CHN2: variants seen among roughly 807,000 people sequenced by gnomAD.
The protein encoded by CHN2 is beta-chimaerin.
A neutral mutation model predicts 56.3 loss-of-function variants in CHN2; 35 were observed. That is an observed-to-expected ratio of 0.62 (90% CI 0.47 to 0.82). CHN2 has a LOEUF of 0.82. CHN2 is among the 40% of genes least tolerant of loss of function. The pLI, the probability that CHN2 is intolerant of heterozygous loss-of-function variation, is 0.00. For synonymous variants in CHN2, 210 were observed against 212.8 expected, an observed-to-expected ratio of 0.99 and a Z score of 0.12; for missense variants, 491 against 580.5, an observed-to-expected ratio of 0.85 and a Z score of 1.58.
At chr7:29,411,784 G>A (rs1436009412) in intron 6 of CHN2, among the ~76,000 whole-genome samples, 2 of 152,180 alleles carry the variant, frequency 1.3e-5, no homozygotes, top group East Asian at 3.9e-4. Flanking sequence ...GATGGGGAGA[G>A]AGAAGCTGAG....
intron 1 of CHN2, among the ~76,000 whole-genome samples, chr7:29,225,194 A>C (rs1235976482): frequency 6.6e-6 from 1 of 152,214 alleles, no homozygotes; most frequent in East Asian, 1.9e-4. Flanking sequence ...CCTGATTGTC[A>C]TCAAATACTT....
chr7:29,212,750 A>G, intron 1 of CHN2: 1 of 1,610,022 alleles, frequency 6.2e-7, no homozygotes. Context: ...AATGAAATCT[A>G]AGAGGTGGCA....
intron 6 of CHN2, among the ~76,000 whole-genome samples, chr7:29,472,281 A>ACACACACACACACG (rs1786137548): frequency 7.0e-6 from 1 of 143,502 alleles, no homozygotes; most frequent in Non-Finnish European, 1.5e-5. Context: ...ATACACACAC[A>ACACACACACACACG]CACACACACA....
intron 6 of CHN2, among the ~76,000 whole-genome samples, chr7:29,429,870 T>G (rs1322183364): frequency 6.6e-6 from 1 of 152,228 alleles, no homozygotes; most frequent in Non-Finnish European, 1.5e-5. Flanking sequence ...GAACCTTGCG[T>G]AATTAGCGTA....
At chr7:29,310,727 T>G (rs1321624428) in intron 1 of CHN2, among the ~76,000 whole-genome samples, 2 of 152,166 alleles carry the variant, frequency 1.3e-5, no homozygotes, top group Non-Finnish European at 2.9e-5. Context: ...ACAGGGCCTG[T>G]GTCCTCACTG....
chr7:29,330,494 A>C (rs1796134125), intron 1 of CHN2, among the ~76,000 whole-genome samples: 1 of 152,218 alleles, frequency 6.6e-6, no homozygotes. Flanking sequence ...GAATTCATGA[A>C]GGTGGCCTTG....
chr7:29,416,675 G>C (rs539383222), intron 6 of CHN2, among the ~76,000 whole-genome samples: 3 of 152,330 alleles, frequency 2.0e-5, no homozygotes, highest in Admixed American at 1.3e-4. Flanking sequence ...CCGGGCAGTA[G>C]AGTAGCACAG....
chr7:29,442,877 T>TTCCATTTCTATGATTTTC (rs1171080552), intron 6 of CHN2, among the ~76,000 whole-genome samples: 1 of 151,798 alleles, frequency 6.6e-6, no homozygotes, highest in Non-Finnish European at 1.5e-5. Context: ...TCCTTATTTA[T>TTCCATTTCTATGATTTTC]TCCATTTCTA....
At position 29,512,703 on chromosome 7, in the gene CHN2, A is replaced by G; in HGVS notation, c.1375A>G (p.Ile459Val). Residue 459 changes from isoleucine to valine, a missense_variant, in exon 13 of 13, where the codon ATT becomes GTT. Physicochemically the swap from Ile to Val is conservative, Grantham distance 29. Coordinates refer to ENST00000222792, the MANE Select transcript of CHN2 (RefSeq NM_004067.4). ...GCGGTACCAAAAGCTGATTGTGCAG[A>G]TTTTAATAGAAAACGAAGACGTTTT... Reference protein sequence around the residue: ...DMRYQKLIVQILIENEDVLF With the variant: ...DMRYQKLIVQVLIENEDVLF 4 of 1,614,228 alleles carry G rather than the reference A, an allele frequency of 2.5e-6. No individual in the cohort carries two copies. The highest frequency in any genetic ancestry group is 2.5e-6 in the Non-Finnish European group (3 of 1,180,030).
intron 2 of CHN2, among the ~76,000 whole-genome samples, chr7:29,355,772 ATTTTTTTTTTTTTTTTTTT>A (rs1167339692): frequency 1.9e-5 from 1 of 52,366 alleles, no homozygotes; most frequent in Admixed American, 3.4e-4. Context: ...AGATGGGACT[ATTTTTTTTTTTTTTTTTTT>A]TTTTTTTTTT....
chr7:29,217,377 T>C (rs889498597), intron 1 of CHN2, among the ~76,000 whole-genome samples: 1 of 152,200 alleles, frequency 6.6e-6, no homozygotes, highest in East Asian at 1.9e-4. Context: ...TGGAGACTAC[T>C]CAAGGGCTCT....
chr7:29,405,883 G>A (rs867882998), intron 6 of CHN2, among the ~76,000 whole-genome samples: 13 of 152,106 alleles, frequency 8.5e-5, no homozygotes, highest in South Asian at 6.2e-4. Context: ...GGCCTGTCCC[G>A]GTATCTTTGC....
chr7:29,232,717 C>T (rs978271386), intron 1 of CHN2, among the ~76,000 whole-genome samples: 9 of 152,156 alleles, frequency 5.9e-5, no homozygotes, highest in Admixed American at 3.3e-4. Context: ...TGTATCCCAT[C>T]GGTGTGCACT....
intron 1 of CHN2, among the ~76,000 whole-genome samples, chr7:29,326,113 C>T (rs1449022859): frequency 6.7e-6 from 1 of 149,602 alleles, no homozygotes; most frequent in Non-Finnish European, 1.5e-5. Context: ...GGGTCTTCGT[C>T]GATTTTAGAG....
At chr7:29,220,213 T>C (rs1222852059) in intron 1 of CHN2, among the ~76,000 whole-genome samples, 1 of 149,182 alleles carries the variant, frequency 6.7e-6, no homozygotes, top group Non-Finnish European at 1.5e-5. Context: ...GAGGTTGCAG[T>C]GAGCCAAGAT....
intron 1 of CHN2, among the ~76,000 whole-genome samples, chr7:29,202,255 G>A (rs1027386750): frequency 6.6e-5 from 10 of 152,142 alleles, no homozygotes; most frequent in African/African-American, 2.4e-4. Context: ...TACCAACCTG[G>A]CCATCAGCAG....
At chr7:29,250,401 G>A (rs1428858088) in intron 1 of CHN2, among the ~76,000 whole-genome samples, 1 of 152,158 alleles carries the variant, frequency 6.6e-6, no homozygotes, top group African/African-American at 2.4e-5. Context: ...CTTTTATCCT[G>A]AAATGTTACA....
chr7:29,406,034 A>G (rs1802624258), intron 6 of CHN2, among the ~76,000 whole-genome samples: 1 of 152,206 alleles, frequency 6.6e-6, no homozygotes, highest in Non-Finnish European at 1.5e-5. Flanking sequence ...CCATGCTCGC[A>G]TCTCATGGCT....
At chr7:29,149,918 T>G (rs765210183) in intron 2 of CHN2, among the ~76,000 whole-genome samples, 1 of 152,238 alleles carries the variant, frequency 6.6e-6, no homozygotes, top group African/African-American at 2.4e-5. Context: ...TGACCTCATT[T>G]TAGCTTGATT....
Sources: allele counts gnomAD v4.1 joint callset (sites outside exome capture counted in the v4.1 genomes callset), GRCh38; gene constraint gnomAD v4.1.1; transcripts MANE v1.5; gene names NCBI Gene and HGNC (gene_info 2026-07-23, HGNC 2026-07-21).